The following ABCA2 variants were observed in gnomAD, a reference collection of about 807,000 sequenced individuals.
ABCA2 encodes ATP-binding cassette sub-family A member 2.
ABCA2 carries 84 observed loss-of-function variants against 262.8 expected under a neutral mutation model. The ratio of observed to expected loss-of-function variants is 0.32; its 90% CI spans 0.27 to 0.38. ABCA2 has a LOEUF of 0.38. Ranked by LOEUF, ABCA2 falls within the 10% of genes least tolerant of loss-of-function variation. The probability of loss-of-function intolerance (pLI) is 1.00; values close to 1 mark genes in which losing one functional copy is unlikely to be tolerated. For missense variants in ABCA2, 2,662 were observed against 3,405.9 expected, an observed-to-expected ratio of 0.78 and a Z score of 5.44; for synonymous variants, 1,696 against 1,502.9, an observed-to-expected ratio of 1.13 and a Z score of -2.97.
chr9:137,018,171 TC>T lies in ABCA2; in HGVS notation c.1993+6del, dbSNP rs1564224405. On this transcript the variant is annotated splice_donor_region_variant and intron_variant, in intron 14 of 48. Coordinates refer to ENST00000341511, the MANE Select transcript of ABCA2 (RefSeq NM_001606.5). ...CCTCCAGCCGGTCTTCCGGGCCTGC[TC>T]CTCACCCTGGATCCAGACGAAGCCG... is the stretch of plus-strand genomic sequence containing the variant. 1 of 1,610,966 alleles carries T rather than the reference TC, an allele frequency of 6.2e-7. No homozygotes were observed. Among genetic ancestry groups the T allele is most frequent in the Non-Finnish European group, 8.5e-7 (1 of 1,179,364 alleles).
Position 137,028,136 on chromosome 9 carries a change from C to T in ABCA2, c.5G>A (p.Gly2Asp), listed in dbSNP as rs1831722168. The T allele has an allele frequency of 1.0e-6, 1 of 984,226 alleles. No homozygotes were observed. Among genetic ancestry groups the T allele is most frequent in the African/African-American group, 1.8e-5 (1 of 56,772 alleles). 61.0% of individuals were successfully genotyped at this position (984,226 alleles called of 1,614,324 possible). A position where few individuals can be genotyped will look rare whatever the true frequency, so the allele number is the denominator to read the frequency against. ...CAGCAGCTGCAGCTGGTGCAGGAAGCCCATGGCGGGGCCACGCTCCGCCGC... is the reference window on the plus strand; with the variant it reads ...CAGCAGCTGCAGCTGGTGCAGGAAGTCCATGGCGGGGCCACGCTCCGCCGC... The part of the protein sequence containing the change: M[G>D]FLHQLQLLLW... Residue 2 changes from glycine to aspartate, a missense_variant, in exon 1 of 49, where the codon GGC becomes GAC. Transcript: ENST00000341511. The surrounding 1 kb of genome is among the most constrained non-coding windows in gnomAD (Gnocchi z 6.9).
At position 137,021,485 on chromosome 9, in the gene ABCA2, G is replaced by C; in HGVS notation, c.804C>G (p.Val268=). ...KGALQGYRDA[V]CSGQAAARAR... is the part of the protein sequence containing the mutation. ...CACGCGCAGCAGCCTGCCCACTGCA[G>C]ACAGCATCCCGGTAGCCCTGCAGGG... The change falls in exon 8 of 49, where the codon GTC becomes GTG. Residue 268 remains valine, a synonymous_variant. Coordinates refer to ENST00000341511, the MANE Select transcript of ABCA2 (RefSeq NM_001606.5). This position sits in a 1 kb window ranked among gnomAD's most constrained non-coding sequence, Gnocchi z 6.0. The C allele has an allele frequency of 6.2e-7, 1 of 1,611,568 alleles. No individual in the cohort carries two copies. Among genetic ancestry groups the C allele is most frequent in the Non-Finnish European group, 8.5e-7 (1 of 1,179,474 alleles).
rs766661381 is a variant in ABCA2, at chr9:137,022,369, G to A, written c.549C>T (p.Ala183=). The A allele has an allele frequency of 1.1e-5, 18 of 1,609,240 alleles. No individual in the cohort carries two copies. The highest frequency in any genetic ancestry group is 1.5e-5 in the Non-Finnish European group (18 of 1,178,594). Residue 183 remains alanine (A), a synonymous_variant, in exon 6 of 49, where the codon GCC becomes GCT. Transcript: ENST00000341511. The part of the protein sequence containing the change: ...PNSTAQALLA[A]RVDPPEVYHL... ...GCCTTACCTCGGGCGGGTCCACACG[G>A]GCGGCCAAGAGTGCTTGGGCCGTGC...
intron 27 of ABCA2, 30 bp from the exon 28 acceptor site, chr9:137,014,068 G>A (rs1446401292): frequency 6.2e-7 from 1 of 1,604,010 alleles, no homozygotes; most frequent in African/African-American, 1.3e-5. Flanking sequence ...CTGAGCAGGT[G>A]GTTGCACGCT....
chr9:137,008,900 G>GCCCCCCCCCCCCCCCAGCGCCC (rs59031144), intron 46 of ABCA2, 32 bp from the exon 47 acceptor site: 2 of 1,556,396 alleles, frequency 1.3e-6, no homozygotes, highest in Non-Finnish European at 8.7e-7. Context: ...GCCTGGCAGC[G>GCCCCCCCCCCCCCCCAGCGCCC]CCCCCCCACC....
Position 137,010,318 on chromosome 9 carries a change from C to G in ABCA2, c.6228G>C (p.Leu2076=), listed in dbSNP as rs1227171064. 3 of 1,589,080 alleles carry G rather than the reference C, an allele frequency of 1.9e-6. No individual in the cohort carries two copies. Among genetic ancestry groups the G allele is most frequent in the Admixed American group, 3.5e-5 (2 of 56,622 alleles). The change falls in exon 41 of 49, where the codon CTG becomes CTC. Residue 2076 remains leucine (L), a synonymous_variant. Transcript: ENST00000341511. ...GRILAVDRLC[L]GVRPGECFGL... ...CGAAGCACTCGCCAGGACGCACACC[C>G]AGGCACAGGCGGTCAACGGCCAGGA...
rs1010614539 is a variant in ABCA2, at chr9:137,008,130, G to C, written c.7276-166C>G. ...GGGCTCTCCCGGGCCTCCGTCTGCC[G>C]AGTCTGGGGGCCACTGAGTCTACAT... On this transcript the variant is annotated intron_variant, in intron 48 of 48. Coordinates refer to ENST00000341511, the MANE Select transcript of ABCA2 (RefSeq NM_001606.5). The C allele has an allele frequency of 8.8e-6, 8 of 909,606 alleles. No homozygotes were observed. The African/African-American group carries it at 1.2e-4, about 13-fold the overall frequency. The allele number at this position is 909,606 out of a possible 1,614,324, so 56.3% of individuals were successfully genotyped here. A position where few individuals can be genotyped will look rare whatever the true frequency, so the allele number is the denominator to read the frequency against.
intron 41 of ABCA2, 34 bp from the exon 42 acceptor site, chr9:137,010,158 G>C: frequency 6.3e-7 from 1 of 1,592,344 alleles, no homozygotes; most frequent in Non-Finnish European, 8.5e-7. Flanking sequence ...GCGTGAGGAC[G>C]CGGCGGCCCC....
rs373370893 is a variant in ABCA2 at position 137,012,125 on chromosome 9, G to A, written c.5337C>T (p.Ser1779=). Residue 1779 remains serine (S), a synonymous_variant, in exon 34 of 49, where the codon AGC becomes AGT. Transcript: ENST00000341511. The part of the protein sequence containing the change: ...TVTNHPMNKT[S]ASLSLDYLLQ... ...ACAGGTAATCCAGGGAGAGGCTGGC[G>A]CTGGTCTTATTCATGGGGTGGTTGG... 4.9e-5 allele frequency: 79 copies of A among 1,612,530 alleles called. No individual in the cohort carries two copies. The highest frequency in any genetic ancestry group is 3.3e-4 in the Middle Eastern group (2 of 6,058).
At chr9:137,018,414 GA>G in intron 13 of ABCA2, 63 bp from the exon 14 acceptor site, 1 of 195,820 alleles carries the variant, frequency 5.1e-6, no homozygotes, top group Non-Finnish European at 8.6e-6. Flanking sequence ...TGGTGGGGGG[GA>G]AAGCAAGGCA....
chr9:137,015,966 C>G lies in ABCA2; in HGVS notation c.3313G>C (p.Asp1105His). The G allele has an allele frequency of 4.5e-6, 3 of 665,120 alleles. No homozygotes were observed. The highest frequency in any genetic ancestry group is 7.5e-6 in the Non-Finnish European group (3 of 400,814). 41.2% of individuals were successfully genotyped at this position (665,120 alleles called of 1,614,324 possible). Residue 1105 changes from aspartate to histidine, a missense_variant, in exon 22 of 49, where the codon GAC (aspartate) becomes CAC (histidine). By Grantham distance (81) the Asp-to-His change is moderately conservative (BLOSUM62 -1). Transcript: ENST00000341511. ...CCCCCCGCCCAGCCCACCCACTTGT[C>G]CATCTCTCTGCGGATCTCCTCCTGA... Reference protein sequence around the residue: ...MAQEEIRREMDKMIEDLELSN... With the variant: ...MAQEEIRREMHKMIEDLELSN...
In ABCA2 at chr9:137,016,007, C is replaced by T. The variant is rs899211551; in HGVS notation, c.3272G>A (p.Arg1091Gln). Reference sequence around the variant, plus strand: ...CTCCTCCTGAGCCATGCTCTTGAGCCGTGAGTAGAACCAGAGGTGTTCCTC... The same window carrying T: ...CTCCTCCTGAGCCATGCTCTTGAGCTGTGAGTAGAACCAGAGGTGTTCCTC... ...TVEEHLWFYSRLKSMAQEEIR... is the reference protein window; with the variant it reads ...TVEEHLWFYSQLKSMAQEEIR... The change falls in exon 22 of 49, where the codon CGG (arginine) becomes CAG (glutamine). Residue 1091 changes from arginine (R) to glutamine (Q), a missense_variant. Physicochemically the swap from Arg to Gln is conservative, Grantham distance 43 (BLOSUM62 1). Coordinates refer to ENST00000341511, the MANE Select transcript of ABCA2 (RefSeq NM_001606.5). 3.8e-6 allele frequency: 6 copies of T among 1,575,896 alleles called. No homozygotes were observed. In the African/African-American group the frequency reaches 4.1e-5, roughly 11 times the overall value.
At chr9:137,020,230 C>T in intron 10 of ABCA2, 106 bp downstream of exon 10, 1 of 1,489,718 alleles carries the variant, frequency 6.7e-7, no homozygotes, top group African/African-American at 1.4e-5. Context: ...CACCCCGTAC[C>T]CCTCCCGTGT....
Position 137,015,606 on chromosome 9 carries a change from G to A in ABCA2, c.3515-10C>T, listed in dbSNP as rs750794983. 2.0e-5 allele frequency: 33 copies of A among 1,612,220 alleles called. No homozygotes were observed. Among genetic ancestry groups the A allele is most frequent in the Non-Finnish European group, 2.6e-5 (31 of 1,179,636 alleles). On this transcript the variant is annotated splice_polypyrimidine_tract_variant and intron_variant, in intron 23 of 48. Transcript: ENST00000341511. ...AGAAGGATGGTGCGGCCTAGGACAA[G>A]GCCAGACCCAGGGTCAGGGGGCAGG...
At chr9:137,023,721 G>A in intron 3 of ABCA2, 117 bp downstream of exon 3, 1 of 706,186 alleles carries the variant, frequency 1.4e-6, no homozygotes, top group Non-Finnish European at 2.6e-6. Flanking sequence ...CCTGAGGCCG[G>A]CAGGGGGCCC....
Position 137,015,306 on chromosome 9 carries a change from G to A in ABCA2, c.3697+108C>T, listed in dbSNP as rs1021563939. 11 of 1,361,174 alleles carry A rather than the reference G, an allele frequency of 8.1e-6. No homozygotes were observed. The Admixed American group carries it at 1.9e-4, about 24-fold the overall frequency. 84.3% of individuals were successfully genotyped at this position (1,361,174 alleles called of 1,614,324 possible). On this transcript the variant is annotated intron_variant, in intron 24 of 48. Coordinates refer to ENST00000341511, the MANE Select transcript of ABCA2 (RefSeq NM_001606.5). The stretch of plus-strand genomic sequence containing the variant: ...CGGGCCAGGCCCCAGCAGGCATCCT[G>A]GGCCCAGCGGGTGACGGTGAGGGCC...
At chr9:137,028,880 C>G, upstream of ABCA2, 1 of 1,326,328 alleles carries the variant, frequency 7.5e-7, no homozygotes, top group Non-Finnish European at 9.9e-7. The surrounding 1 kb of genome is among the most constrained non-coding windows in gnomAD (Gnocchi z 6.9). Context: ...CATATTCGGG[C>G]GAGTCTGGTC....
intron 5 of ABCA2, 86 bp downstream of exon 5, chr9:137,022,616 G>A: frequency 6.4e-7 from 1 of 1,556,240 alleles, no homozygotes; most frequent in South Asian, 1.2e-5. Context: ...CAGGTGGAGG[G>A]GCCCAGAGTG....
At chr9:137,010,821 G>C (rs1016403032) in intron 39 of ABCA2, 84 bp from the exon 40 acceptor site, 9 of 1,489,402 alleles carry the variant, frequency 6.0e-6, no homozygotes, top group Middle Eastern at 3.7e-4. Flanking sequence ...CTCTGGCTGT[G>C]GCATGTAAGA....
Sources: allele counts gnomAD v4.1 joint callset, GRCh38; gene constraint gnomAD v4.1.1; non-coding constraint Gnocchi (gnomAD v3.1); transcripts MANE v1.5; gene names NCBI Gene and HGNC (gene_info 2026-07-23, HGNC 2026-07-21).